ZRANB3: variants seen among roughly 807,000 people sequenced by gnomAD.
ZRANB3 encodes zinc finger RANBP2-type containing 3, also known as DNA annealing helicase and endonuclease ZRANB3.
ZRANB3 carries 125 observed loss-of-function variants against 133.8 expected under a neutral mutation model. The observed-to-expected ratio is 0.93, with a 90% confidence interval of 0.81 to 1.08. The LOEUF is 1.08. Ranked by LOEUF, ZRANB3 falls within the 50% of genes least tolerant of loss-of-function variation. The pLI is 0.00. For missense variants in ZRANB3, 1,229 were observed against 1,275.5 expected (o/e 0.96, Z 0.56); for synonymous variants, 387 against 432.7 (o/e 0.89, Z 1.31).
At chr2:135,300,213 C>T (rs1682362007) in intron 8 of ZRANB3, among the ~76,000 whole-genome samples, 1 of 152,074 alleles carries the variant, frequency 6.6e-6, no homozygotes, top group South Asian at 2.1e-4. Flanking sequence ...AAACTAAACA[C>T]CACAAATAAT....
chr2:135,384,703 A>G (rs1233320412), intron 3 of ZRANB3, among the ~76,000 whole-genome samples: 2 of 152,220 alleles, frequency 1.3e-5, no homozygotes, highest in Non-Finnish European at 2.9e-5. Flanking sequence ...GCAAATCAAT[A>G]AATGTAATCC....
intron 6 of ZRANB3, among the ~76,000 whole-genome samples, chr2:135,317,383 A>G (rs896530504): frequency 2.6e-5 from 4 of 152,196 alleles, no homozygotes; most frequent in Non-Finnish European, 5.9e-5. Flanking sequence ...CAATATTGGG[A>G]AGAAGTTGGT....
chr2:135,197,472 G>A lies in ZRANB3; in HGVS notation c.*2870C>T, dbSNP rs1693454353. 1 of 152,232 alleles carries A rather than the reference G, an allele frequency of 6.6e-6. No homozygotes were observed. Among genetic ancestry groups the A allele is most frequent in the African/African-American group, 2.4e-5 (1 of 41,458 alleles). 9.4% of individuals were successfully genotyped at this position (152,232 alleles called of 1,614,324 possible). A position where few individuals can be genotyped will look rare whatever the true frequency, so the allele number is the denominator to read the frequency against. The stretch of plus-strand genomic sequence containing the variant: ...TCCCATCCAGTTAAGAAAATGTAGA[G>A]GGTATTCACTTGTCACAGGAAAATC... On this transcript the variant is annotated 3_prime_UTR_variant, in exon 21 of 21. Coordinates refer to ENST00000264159, the MANE Select transcript of ZRANB3 (RefSeq NM_032143.4).
At chr2:135,333,512 T>A (rs900334854) in intron 6 of ZRANB3, among the ~76,000 whole-genome samples, 1 of 152,206 alleles carries the variant, frequency 6.6e-6, no homozygotes, top group South Asian at 2.1e-4. Flanking sequence ...GATTTTTCAA[T>A]GTGTATACTC....
chr2:135,253,532 C>T (rs1343310003), intron 12 of ZRANB3, among the ~76,000 whole-genome samples: 4 of 152,096 alleles, frequency 2.6e-5, no homozygotes, highest in Admixed American at 2.6e-4. Flanking sequence ...ATAGAGTGTA[C>T]TTCACAAACC....
At chr2:135,315,584 A>G (rs923913137) in intron 6 of ZRANB3, 54 bp from the exon 7 acceptor site, 11 of 1,259,670 alleles carry the variant, frequency 8.7e-6, no homozygotes, top group Middle Eastern at 4.6e-4. Flanking sequence ...AGTTAAGAAA[A>G]TAATTTATCC....
intron 14 of ZRANB3, among the ~76,000 whole-genome samples, chr2:135,225,030 C>T (rs973959977): frequency 3.3e-5 from 5 of 152,072 alleles, no homozygotes; most frequent in South Asian, 2.1e-4. Context: ...CTTTTTTAGC[C>T]CTTTCTCAGT....
chr2:135,518,343 A>C (rs183639444), intron 1 of ZRANB3, among the ~76,000 whole-genome samples: 1 of 152,220 alleles, frequency 6.6e-6, no homozygotes, highest in Non-Finnish European at 1.5e-5. Flanking sequence ...GTCTGCCCAA[A>C]GGGCTGTCTG....
At chr2:135,297,888 G>A (rs901471653) in intron 8 of ZRANB3, among the ~76,000 whole-genome samples, 6 of 152,028 alleles carry the variant, frequency 3.9e-5, no homozygotes, top group South Asian at 2.1e-4. Context: ...TTTTCTTTAC[G>A]ATATCTATTT....
chr2:135,445,962 TG>T (rs1165024238), intron 2 of ZRANB3, among the ~76,000 whole-genome samples: 1 of 151,072 alleles, frequency 6.6e-6, no homozygotes, highest in Non-Finnish European at 1.5e-5. Context: ...CCCAGCACTT[TG>T]GGAGGCTGAG....
intron 2 of ZRANB3, among the ~76,000 whole-genome samples, chr2:135,425,913 G>T (rs980991620): frequency 6.6e-6 from 1 of 151,836 alleles, no homozygotes; most frequent in African/African-American, 2.4e-5. Context: ...CCAGGGATTG[G>T]TTTTTTGAAA....
At chr2:135,413,431 C>T (rs767882585) in intron 2 of ZRANB3, among the ~76,000 whole-genome samples, 2 of 152,160 alleles carry the variant, frequency 1.3e-5, no homozygotes, top group East Asian at 3.8e-4. Context: ...ATAATGGCTA[C>T]ATTTGAAGCT....
chr2:135,384,175 C>T (rs1212199355), intron 3 of ZRANB3, among the ~76,000 whole-genome samples: 1 of 152,138 alleles, frequency 6.6e-6, no homozygotes, highest in Non-Finnish European at 1.5e-5. Flanking sequence ...ACCACCAATT[C>T]CACAGAAATG....
chr2:135,301,709 T>C lies in ZRANB3; in HGVS notation c.966+11780A>G, dbSNP rs373151515. ...CCTCCCTCTGACAGGGTAAATCTTA[T>C]TTGTTCATTCCTTGGGATGTCTTTC... On this transcript the variant is annotated intron_variant, in intron 8 of 20. Transcript: ENST00000264159. 3.3e-5 allele frequency among the ~76,000 whole-genome samples: 5 copies of C among 152,346 alleles called. No individual in the cohort carries two copies. In the East Asian group the frequency reaches 9.6e-4, roughly 29 times the overall value.
chr2:135,249,322 A>G (rs1471295236), intron 12 of ZRANB3, among the ~76,000 whole-genome samples: 1 of 152,258 alleles, frequency 6.6e-6, no homozygotes, highest in African/African-American at 2.4e-5. Flanking sequence ...ACTATTTGCA[A>G]TAGCAAAGAC....
chr2:135,340,160 C>A (rs1008110751), intron 6 of ZRANB3, among the ~76,000 whole-genome samples: 2 of 148,484 alleles, frequency 1.3e-5, no homozygotes, highest in South Asian at 4.2e-4. Context: ...GGCTGGAGGG[C>A]AATGGCGCGA....
intron 8 of ZRANB3, among the ~76,000 whole-genome samples, chr2:135,294,302 C>A (rs1299360326): frequency 6.6e-6 from 1 of 152,158 alleles, no homozygotes; most frequent in Non-Finnish European, 1.5e-5. Flanking sequence ...AGGGATTCAA[C>A]TTCTTCCTGG....
At chr2:135,492,236 A>AAAAG (rs1168972732) in intron 2 of ZRANB3, among the ~76,000 whole-genome samples, 4 of 152,236 alleles carry the variant, frequency 2.6e-5, no homozygotes, top group African/African-American at 9.6e-5. Flanking sequence ...AAGTGAGTTT[A>AAAAG]ACACTGTTAC....
intron 8 of ZRANB3, among the ~76,000 whole-genome samples, chr2:135,288,401 T>G (rs1284667825): frequency 6.6e-6 from 1 of 152,196 alleles, no homozygotes; most frequent in African/African-American, 2.4e-5. Context: ...TTTCATTTTT[T>G]GTTATATCCT....
Sources: allele counts gnomAD v4.1 joint callset (sites outside exome capture counted in the v4.1 genomes callset), GRCh38; gene constraint gnomAD v4.1.1; transcripts MANE v1.5; gene names NCBI Gene and HGNC (gene_info 2026-07-23, HGNC 2026-07-21).